Variants in EFCAB13 observed in about 807,000 individuals in gnomAD.
EFCAB13 encodes the protein EF-hand calcium binding domain 13, also known as EF-hand calcium-binding domain-containing protein 13.
Under a neutral mutation model 110.2 loss-of-function variants are expected in EFCAB13, and 91 were observed. The ratio of observed to expected loss-of-function variants is 0.83; its 90% CI spans 0.70 to 0.98. The LOEUF is 0.98. Among genes scored for constraint, EFCAB13 ranks in the 50% least tolerant of loss-of-function variants. The pLI is 0.00. For missense variants in EFCAB13, 968 were observed against 1,119.4 expected (o/e 0.86, Z 1.93); for synonymous variants, 323 against 369.9 (o/e 0.87, Z 1.45).
In EFCAB13 at chr17:47,379,179, CAGAGAATGGAA is replaced by C. The variant is rs748556198; in HGVS notation, c.1511-2_1519del. ...GTATAATCTAAACTCTTTTTAAAAA[CAGAGAATGGAA>C]TGGTGGAGTTAGATGACTTTGTAAA... is the stretch of plus-strand genomic sequence containing the variant. On this transcript the variant is annotated splice_acceptor_variant and coding_sequence_variant, in exon 14 of 25. Coordinates refer to ENST00000331493, the MANE Select transcript of EFCAB13 (RefSeq NM_152347.5). LOFTEE classifies it high-confidence loss of function. 6.2e-7 allele frequency: 1 copy of C among 1,610,600 alleles called. No individual in the cohort carries two copies.
At position 47,344,225 on chromosome 17, in the gene EFCAB13, A is replaced by AAT; in HGVS notation, c.368_369insTA (p.Lys123AsnfsTer34). ...GACAAGGAAAGAAAACTCTTTATGC[A>AAT]AGTTGCCGAATCAGTACAGCGTTCA... On this transcript the variant is annotated frameshift_variant, in exon 7 of 25. Coordinates refer to ENST00000331493, the MANE Select transcript of EFCAB13 (RefSeq NM_152347.5). LOFTEE classifies it high-confidence loss of function. 6.2e-7 allele frequency: 1 copy of AAT among 1,613,354 alleles called. No individual in the cohort carries two copies. Among genetic ancestry groups the AAT allele is most frequent in the Non-Finnish European group, 8.5e-7 (1 of 1,179,428 alleles).
intron 18 of EFCAB13, among the ~76,000 whole-genome samples, chr17:47,402,699 T>C (rs1363433396): frequency 2.6e-5 from 4 of 152,190 alleles, no homozygotes; most frequent in African/African-American, 7.2e-5. Context: ...ATCCTTATTA[T>C]CATTGGATGA....
At chr17:47,395,727 T>C in intron 16 of EFCAB13, 107 bp from the exon 17 acceptor site, 1 of 845,502 alleles carries the variant, frequency 1.2e-6, no homozygotes, top group African/African-American at 1.7e-5. Flanking sequence ...TATTTATTAT[T>C]CTTTTAAACC....
At chr17:47,435,406 T>C (rs1905193425) in intron 24 of EFCAB13, among the ~76,000 whole-genome samples, 1 of 152,154 alleles carries the variant, frequency 6.6e-6, no homozygotes, top group Admixed American at 6.6e-5. Flanking sequence ...GGGAACACTT[T>C]TACGCTACTG....
intron 21 of EFCAB13, among the ~76,000 whole-genome samples, chr17:47,411,745 C>T (rs2065836380): frequency 1.3e-5 from 2 of 152,106 alleles, no homozygotes; most frequent in African/African-American, 4.8e-5. Context: ...CATATGGAAA[C>T]ATAGACAACT....
At chr17:47,420,584 C>A (rs1193754469) in intron 23 of EFCAB13, among the ~76,000 whole-genome samples, 1 of 150,662 alleles carries the variant, frequency 6.6e-6, no homozygotes. Context: ...ATGTGGGGAG[C>A]GCCTCTGCCC....
rs1372868455 is a variant in EFCAB13 at position 47,399,338 on chromosome 17, C to T, written c.1946-2794C>T. Among the ~76,000 whole-genome samples, 2 of 152,144 alleles carry T rather than the reference C, an allele frequency of 1.3e-5. 1 individual carries two copies. Among genetic ancestry groups the T allele is most frequent in the Non-Finnish European group, 2.9e-5 (2 of 68,004 alleles). On this transcript the variant is annotated intron_variant, in intron 17 of 24. Coordinates refer to ENST00000331493, the MANE Select transcript of EFCAB13 (RefSeq NM_152347.5). ...CTGTACGCCATTTGTCATATCATTTCTTCTTTTAACATTGTGCACTTAGTA... is the reference window on the plus strand; with the variant it reads ...CTGTACGCCATTTGTCATATCATTTTTTCTTTTAACATTGTGCACTTAGTA...
chr17:47,335,774 G>C (rs979344102), intron 5 of EFCAB13, among the ~76,000 whole-genome samples: 3 of 152,180 alleles, frequency 2.0e-5, no homozygotes, highest in African/African-American at 7.2e-5. Flanking sequence ...AGTGAAGAGG[G>C]AAGTGCCACA....
chr17:47,435,709 T>C (rs1204037171), intron 24 of EFCAB13, among the ~76,000 whole-genome samples: 1 of 102,214 alleles, frequency 9.8e-6, no homozygotes, highest in East Asian at 2.7e-4. Flanking sequence ...CTTAGGGTTT[T>C]TGAGGTAAAC....
Position 47,374,510 on chromosome 17 carries a change from G to T in EFCAB13, c.916G>T (p.Asp306Tyr). ...EGSPLNEITS[D>Y]RKLSSVAGCY... ...ATCACCTTTGAATGAAATTACTTCA[G>T]ACAGAAAGTTATCAAGTGTAGCAGG... The change falls in exon 12 of 25, where the codon GAC (aspartate) becomes TAC (tyrosine). Residue 306 changes from aspartate to tyrosine, a missense_variant. Physicochemically the swap from Asp to Tyr is radical, Grantham distance 160. Coordinates refer to ENST00000331493, the MANE Select transcript of EFCAB13 (RefSeq NM_152347.5). 3 of 1,551,206 alleles carry T rather than the reference G, an allele frequency of 1.9e-6. No individual in the cohort carries two copies. Among genetic ancestry groups the T allele is most frequent in the Non-Finnish European group, 2.6e-6 (3 of 1,155,948 alleles).
chr17:47,402,129 C>T lies in EFCAB13; in HGVS notation c.1946-3C>T, dbSNP rs1434340048. The T allele has an allele frequency of 4.3e-6, 7 of 1,613,376 alleles. No homozygotes were observed. Among genetic ancestry groups the T allele is most frequent in the Non-Finnish European group, 5.9e-6 (7 of 1,179,666 alleles). ...GGTCTATTAAAAGTGTTTTTTCTCA[C>T]AGAAGGTGACAAAGTACAATTTGAA... is the stretch of plus-strand genomic sequence containing the variant. On this transcript the variant is annotated splice_region_variant and splice_polypyrimidine_tract_variant and intron_variant, in intron 17 of 24. Coordinates refer to ENST00000331493, the MANE Select transcript of EFCAB13 (RefSeq NM_152347.5).
chr17:47,385,314 C>T (rs907669367), intron 14 of EFCAB13, among the ~76,000 whole-genome samples: 7 of 152,024 alleles, frequency 4.6e-5, no homozygotes, highest in African/African-American at 1.7e-4. Context: ...TCACATAGTC[C>T]CATATTTCTT....
intron 10 of EFCAB13, among the ~76,000 whole-genome samples, chr17:47,367,537 G>A (rs2065554669): frequency 6.6e-6 from 1 of 152,138 alleles, no homozygotes; most frequent in South Asian, 2.1e-4. Flanking sequence ...TCCCGCTGAG[G>A]AAGCTTTGTA....
rs149297512 is a variant in EFCAB13 at position 47,430,002 on chromosome 17, C to T, written c.2638+41C>T. The T allele has an allele frequency of 1.7e-4, 254 of 1,530,438 alleles. 2 individuals are homozygous for T. The African/African-American group carries it at 3.3e-3, about 20-fold the overall frequency. 94.8% of individuals were successfully genotyped at this position (1,530,438 alleles called of 1,614,324 possible). A position where few individuals can be genotyped will look rare whatever the true frequency, so the allele number is the denominator to read the frequency against. Reference sequence around the variant, plus strand: ...GCGTCTATCTTATAAGGACCATCCTCTACCACAGGGGTGGAAGGTCTATGG... The same window carrying T: ...GCGTCTATCTTATAAGGACCATCCTTTACCACAGGGGTGGAAGGTCTATGG... On this transcript the variant is annotated intron_variant, in intron 24 of 24. Transcript: ENST00000331493.
intron 12 of EFCAB13, 115 bp from the exon 13 acceptor site, chr17:47,377,651 T>C: frequency 1.2e-6 from 1 of 826,000 alleles, no homozygotes; most frequent in Non-Finnish European, 1.8e-6. Flanking sequence ...ATAAAATCTA[T>C]AAGGTAATAT....
At chr17:47,379,811 G>A (rs975146036) in intron 14 of EFCAB13, among the ~76,000 whole-genome samples, 3 of 152,000 alleles carry the variant, frequency 2.0e-5, no homozygotes, top group Non-Finnish European at 4.4e-5. Flanking sequence ...AGATATTAAG[G>A]CTTGCTGTTT....
chr17:47,417,550 C>T (rs1288837600), intron 23 of EFCAB13, among the ~76,000 whole-genome samples: 1 of 152,218 alleles, frequency 6.6e-6, no homozygotes, highest in East Asian at 1.9e-4. Flanking sequence ...ATGCCTTCTT[C>T]CTTACCATCT....
chr17:47,398,783 G>C (rs8081556), intron 17 of EFCAB13, among the ~76,000 whole-genome samples: 95,628 of 150,164 alleles, frequency 0.64, 30,969 homozygotes, highest in African/African-American at 0.73. Flanking sequence ...TGCTGACCTT[G>C]CCTCCACTAT....
chr17:47,366,697 C>G (rs2065548415), intron 10 of EFCAB13, among the ~76,000 whole-genome samples: 1 of 152,104 alleles, frequency 6.6e-6, no homozygotes, highest in South Asian at 2.1e-4. Flanking sequence ...AGATAGGGAC[C>G]AAGATAGTCA....
Sources: gnomAD v4.1 joint callset for allele counts (sites outside exome capture counted in the v4.1 genomes callset) on GRCh38, gnomAD v4.1.1 for gene constraint, MANE v1.5 for transcripts, NCBI Gene and HGNC (gene_info 2026-07-23, HGNC 2026-07-21) for gene names.